TTC7A: variants seen among roughly 807,000 people sequenced by gnomAD.
TTC7A encodes tetratricopeptide repeat protein 7A.
TTC7A carries 110 observed loss-of-function variants against 103.7 expected under a neutral mutation model. That is an observed-to-expected ratio of 1.06 (90% CI 0.91 to 1.24). TTC7A has a LOEUF of 1.24. Ranked by LOEUF, TTC7A falls within the 50% of genes most tolerant of loss-of-function variation. The probability of loss-of-function intolerance (pLI) is 0.00; values close to 1 mark genes in which losing one functional copy is unlikely to be tolerated. For missense variants in TTC7A, 1,340 were observed against 1,116.3 expected (o/e 1.20, Z -2.86); for synonymous variants, 521 against 467.9 (o/e 1.11, Z -1.47).
intron 2 of TTC7A, among the ~76,000 whole-genome samples, chr2:46,931,568 G>A (rs1051670148): frequency 6.6e-6 from 1 of 152,132 alleles, no homozygotes; most frequent in Admixed American, 6.5e-5. Flanking sequence ...TTGGAGTGAT[G>A]AGCTTTGAAG....
intron 16 of TTC7A, chr2:47,047,234 C>T (rs1410605895): frequency 1.4e-6 from 2 of 1,396,044 alleles, no homozygotes; most frequent in African/African-American, 1.4e-5. Flanking sequence ...CCTCAGGGGA[C>T]CCCAGTCTGG....
chr2:47,031,080 G>T (rs1680487214), intron 15 of TTC7A, among the ~76,000 whole-genome samples: 1 of 152,178 alleles, frequency 6.6e-6, no homozygotes, highest in African/African-American at 2.4e-5. Flanking sequence ...CTGGGAGGCA[G>T]GGGTTGCAGT....
At position 46,975,091 on chromosome 2, in the gene TTC7A, G is replaced by C; in HGVS notation, c.636G>C (p.Gln212His). Residue 212 changes from glutamine to histidine, a missense_variant, in exon 4 of 20, where the codon CAG becomes CAC. Coordinates refer to ENST00000319190, the MANE Select transcript of TTC7A (RefSeq NM_020458.4). ...CCTGGATCGCTCAGGTGTTCCTGCAGGAATTGGAGAAGGTGAGCTGGAAAT... is the reference window on the plus strand; with the variant it reads ...CCTGGATCGCTCAGGTGTTCCTGCACGAATTGGAGAAGGTGAGCTGGAAAT... Reference protein sequence around the residue: ...RASWIAQVFLQELEKTTNNST... With the variant: ...RASWIAQVFLHELEKTTNNST... 6.2e-7 allele frequency: 1 copy of C among 1,613,798 alleles called. No homozygotes were observed. Among genetic ancestry groups the C allele is most frequent in the Non-Finnish European group, 8.5e-7 (1 of 1,179,806 alleles).
intron 3 of TTC7A, among the ~76,000 whole-genome samples, chr2:46,960,847 C>A (rs1672306262): frequency 6.6e-6 from 1 of 151,382 alleles, no homozygotes; most frequent in African/African-American, 2.4e-5. Flanking sequence ...CAGTTGCCTC[C>A]AAGATGGGTC....
Position 46,994,448 on chromosome 2 carries a change from T to C in TTC7A, c.935T>C (p.Met312Thr), listed in dbSNP as rs552879320. 3.8e-5 allele frequency: 61 copies of C among 1,614,042 alleles called. 1 individual carries two copies. In the South Asian group the frequency reaches 6.1e-4, roughly 16 times the overall value. Reference protein sequence around the residue: ...SPLSHPLPEFMGKEESSFATQ... With the variant: ...SPLSHPLPEFTGKEESSFATQ... ...CTGTCCCACCCTCTGCCTGAGTTCA[T>C]GGGCAAGGAGGAGAGTTCTTTCGCC... The change falls in exon 7 of 20, where the codon ATG (methionine) becomes ACG (threonine). Residue 312 changes from methionine (M) to threonine (T), a missense_variant. By Grantham distance (81) the Met-to-Thr change is moderately conservative (BLOSUM62 -1). Transcript: ENST00000319190.
At chr2:47,056,853 G>A (rs1050926166) in intron 18 of TTC7A, among the ~76,000 whole-genome samples, 6 of 152,092 alleles carry the variant, frequency 3.9e-5, no homozygotes, top group African/African-American at 1.4e-4. Context: ...AGGAATGGAG[G>A]GGCCCCTTGA....
At chr2:47,066,528 A>C (rs1288753238) in intron 19 of TTC7A, among the ~76,000 whole-genome samples, 1 of 152,088 alleles carries the variant, frequency 6.6e-6, no homozygotes, top group Non-Finnish European at 1.5e-5. Context: ...AGCTTCACCC[A>C]TCACCCCCTC....
chr2:47,002,054 A>G (rs1676876114), intron 8 of TTC7A, among the ~76,000 whole-genome samples: 1 of 152,022 alleles, frequency 6.6e-6, no homozygotes, highest in African/African-American at 2.4e-5. Flanking sequence ...CTGTTGGGTG[A>G]TGGGTGTATG....
chr2:46,947,704 C>T (rs887856872), intron 1 of TTC7A, among the ~76,000 whole-genome samples: 3 of 152,054 alleles, frequency 2.0e-5, no homozygotes, highest in African/African-American at 7.2e-5. Flanking sequence ...GTGATAGAGA[C>T]CCTGTCTGAA....
In TTC7A at chr2:47,056,077, T is replaced by C. The variant is rs1214730489; in HGVS notation, c.2152+4197T>C. Among the ~76,000 whole-genome samples, 11 of 152,170 alleles carry C rather than the reference T, an allele frequency of 7.2e-5. No individual in the cohort carries two copies. The South Asian group carries it at 2.3e-3, about 32-fold the overall frequency. ...AGGCCCATGCAGCCCCTGACTGCCT[T>C]GTGCCCTCTAGGTCCCAGGGATGGA... On this transcript the variant is annotated intron_variant, in intron 18 of 19. Coordinates refer to ENST00000319190, the MANE Select transcript of TTC7A (RefSeq NM_020458.4).
rs1681296885 is a variant in TTC7A, at chr2:47,037,986, C to CA, written c.1803-8328dup. ...AAACTCTAGGCTGGGCGCGGTCACT[C>CA]ATGCCTGTAATCCCAGCACTTTGGG... On this transcript the variant is annotated intron_variant, in intron 15 of 19. Transcript: ENST00000319190. 3.3e-5 allele frequency among the ~76,000 whole-genome samples: 5 copies of CA among 152,192 alleles called. No individual in the cohort carries two copies. The South Asian group carries it at 8.3e-4, about 25-fold the overall frequency.
intron 19 of TTC7A, 53 bp from the exon 20 acceptor site, chr2:47,073,649 A>C (rs1246255156): frequency 6.5e-7 from 1 of 1,535,598 alleles, no homozygotes; most frequent in East Asian, 2.3e-5. Flanking sequence ...AGTTGCCAAG[A>C]TGCCTGTGCC....
Position 46,971,942 on chromosome 2 carries a change from G to A in TTC7A, c.518-3031G>A, listed in dbSNP as rs755247591. Among the ~76,000 whole-genome samples the A allele has an allele frequency of 1.3e-4, 19 of 142,008 alleles. No homozygotes were observed. In the Middle Eastern group the frequency reaches 0.015, roughly 114 times the overall value. The allele number at this position is 142,008 out of a possible 152,430, so 93.2% of individuals were successfully genotyped here. ...AGTGACAAAAAAAAAAAGAAAGAAA[G>A]ACAGGAAGGGACGGAGGTAGGGAGG... On this transcript the variant is annotated intron_variant, in intron 3 of 19. Transcript: ENST00000319190.
intron 8 of TTC7A, among the ~76,000 whole-genome samples, chr2:47,005,404 G>C (rs1006616733): frequency 1.3e-5 from 2 of 152,156 alleles, no homozygotes; most frequent in Non-Finnish European, 2.9e-5. Context: ...GTAATTGTGA[G>C]AATTGCAAAC....
At chr2:46,977,702 G>A (rs1439757544) in intron 4 of TTC7A, among the ~76,000 whole-genome samples, 4 of 152,166 alleles carry the variant, frequency 2.6e-5, no homozygotes, top group South Asian at 2.1e-4. Flanking sequence ...TTTGAGGTCC[G>A]GACTGACACC....
At chr2:47,067,640 C>T (rs1386059385) in intron 19 of TTC7A, among the ~76,000 whole-genome samples, 1 of 152,228 alleles carries the variant, frequency 6.6e-6, no homozygotes, top group Non-Finnish European at 1.5e-5. Flanking sequence ...TGACCTGGAC[C>T]TGAGTCCCAC....
intron 2 of TTC7A, among the ~76,000 whole-genome samples, chr2:46,917,999 C>T (rs1172706655): frequency 1.3e-5 from 2 of 152,164 alleles, no homozygotes; most frequent in African/African-American, 4.8e-5. Context: ...GTGAGTTTAC[C>T]TAGTCCTGTG....
chr2:46,995,297 T>C, intron 8 of TTC7A, 98 bp downstream of exon 8: 1 of 1,201,356 alleles, frequency 8.3e-7, no homozygotes, highest in Non-Finnish European at 1.2e-6. Context: ...CTAGCCAAAC[T>C]CTGTCTCCCA....
chr2:46,951,818 G>A lies in TTC7A; in HGVS notation c.348+1292G>A, dbSNP rs1377203242. 6 of 368,332 alleles carry A rather than the reference G, an allele frequency of 1.6e-5. No individual in the cohort carries two copies. In the East Asian group the frequency reaches 2.3e-4, roughly 14 times the overall value. 22.8% of individuals were successfully genotyped at this position (368,332 alleles called of 1,614,324 possible). On this transcript the variant is annotated intron_variant, in intron 2 of 19. Transcript: ENST00000319190. ...TGTGCACTCTGAAGGCAATCAAGACGAATCCAGCATGGACCCTGCCCTCAA... is the reference window on the plus strand; with the variant it reads ...TGTGCACTCTGAAGGCAATCAAGACAAATCCAGCATGGACCCTGCCCTCAA...
Sources: gnomAD v4.1 joint callset for allele counts (sites outside exome capture counted in the v4.1 genomes callset) on GRCh38, gnomAD v4.1.1 for gene constraint, MANE v1.5 for transcripts, NCBI Gene and HGNC (gene_info 2026-07-23, HGNC 2026-07-21) for gene names.